Variants in NETO2 observed in about 807,000 individuals in gnomAD.
NETO2 encodes the protein neuropilin and tolloid-like protein 2.
Under a neutral mutation model 62.5 loss-of-function variants are expected in NETO2, and 28 were observed. The observed-to-expected ratio is 0.45, with a 90% CI of 0.33 to 0.61. The LOEUF is 0.61. NETO2 is among the 20% of genes least tolerant of loss of function. The pLI is 0.02. For missense variants in NETO2, 548 were observed against 643.2 expected (o/e 0.85, Z 1.60); for synonymous variants, 214 against 219.1 (o/e 0.98, Z 0.21).
At chr16:47,129,909 A>G (rs572354869) in intron 2 of NETO2, among the ~76,000 whole-genome samples, 1 of 152,366 alleles carries the variant, frequency 6.6e-6, no homozygotes, top group South Asian at 2.1e-4. Flanking sequence ...AACAACTGGC[A>G]GTACCAGGAA....
chr16:47,109,768 C>A (rs1430757272), intron 6 of NETO2, 57 bp from the exon 7 acceptor site: 3 of 1,279,544 alleles, frequency 2.3e-6, no homozygotes, highest in Non-Finnish European at 2.2e-6. Context: ...TTGAATTTTT[C>A]TATTTCTATT....
In NETO2 at chr16:47,128,405, C is replaced by A. The variant is rs1448606176; in HGVS notation, c.401G>T (p.Gly134Val). 1 of 1,614,076 alleles carries A rather than the reference C, an allele frequency of 6.2e-7. No homozygotes were observed. The highest frequency in any genetic ancestry group is 8.5e-7 in the Non-Finnish European group (1 of 1,179,994). The change falls in exon 4 of 9, where the codon GGG (glycine) becomes GTG (valine). Residue 134 changes from glycine to valine, a missense_variant. Gly to Val is a moderately radical substitution (Grantham distance 109, BLOSUM62 -3). Transcript: ENST00000562435. ...VKSPPLIRST[G>V]RFMWIKFSSD... ...ACTAAACTTAATCCACATGAATCTC[C>A]CTGTTGATCTAATTAATGGAGGGCT... is the stretch of plus-strand genomic sequence containing the variant.
At chr16:47,095,219 A>T (rs1336134598) in intron 7 of NETO2, among the ~76,000 whole-genome samples, 1 of 152,196 alleles carries the variant, frequency 6.6e-6, no homozygotes, top group Non-Finnish European at 1.5e-5. Context: ...ATATACACAA[A>T]AGGAAATGCG....
chr16:47,083,673 T>C lies in NETO2; in HGVS notation c.1126A>G (p.Lys376Glu). ...ILVQVKQPRKKVMACKTAFNK... is the reference protein window; with the variant it reads ...ILVQVKQPRKEVMACKTAFNK... ...AAAGCGGTTTTGCAAGCCATGACCT[T>C]TTTTCGAGGCTGTTTCACTTGTACT... Residue 376 changes from lysine to glutamate, a missense_variant, in exon 9 of 9, where the codon AAG becomes GAG. Lys to Glu is a moderately conservative substitution (Grantham distance 56). Transcript: ENST00000562435. The C allele has an allele frequency of 6.2e-7, 1 of 1,614,170 alleles. No homozygotes were observed. The highest frequency in any genetic ancestry group is 2.2e-5 in the East Asian group (1 of 44,884).
chr16:47,108,060 G>A (rs1350733129), intron 7 of NETO2, among the ~76,000 whole-genome samples: 1 of 152,094 alleles, frequency 6.6e-6, no homozygotes, highest in African/African-American at 2.4e-5. Flanking sequence ...ACAGGCATGA[G>A]CCACGATGCC....
intron 1 of NETO2, among the ~76,000 whole-genome samples, chr16:47,141,806 C>CT: frequency 6.6e-6 from 1 of 152,344 alleles, no homozygotes; most frequent in Middle Eastern, 3.4e-3. Context: ...GCTCTGCCAT[C>CT]ACCAGAATCC....
intron 8 of NETO2, among the ~76,000 whole-genome samples, chr16:47,085,641 C>A (rs1963171037): frequency 6.6e-6 from 1 of 152,006 alleles, no homozygotes; most frequent in South Asian, 2.1e-4. Flanking sequence ...GCCTCAGCCT[C>A]CCAAAGTGCT....
intron 7 of NETO2, among the ~76,000 whole-genome samples, chr16:47,092,207 A>G (rs1236997529): frequency 6.6e-6 from 1 of 152,020 alleles, no homozygotes; most frequent in African/African-American, 2.4e-5. Context: ...CATGGAAAGG[A>G]CGCGATATGT....
chr16:47,109,565 T>G lies in NETO2; in HGVS notation c.801A>C (p.Thr267=). 2 of 1,614,140 alleles carry G rather than the reference T, an allele frequency of 1.2e-6. No individual in the cohort carries two copies. The highest frequency in any genetic ancestry group is 1.1e-5 in the South Asian group (1 of 91,082). The change falls in exon 7 of 9, where the codon ACA becomes ACC. Residue 267 remains threonine (T), a synonymous_variant. Coordinates refer to ENST00000562435, the MANE Select transcript of NETO2 (RefSeq NM_018092.5). ...STVANDVMLK[T]GIGVIRMWAD... ...CCCACATTCGAATCACTCCAATTCCTGTTTTAAGCATTACATCATTGGCCA... is the reference window on the plus strand; with the variant it reads ...CCCACATTCGAATCACTCCAATTCCGGTTTTAAGCATTACATCATTGGCCA...
intron 1 of NETO2, among the ~76,000 whole-genome samples, chr16:47,143,205 G>C (rs1233229206): frequency 2.0e-5 from 3 of 152,086 alleles, no homozygotes; most frequent in African/African-American, 4.8e-5. Context: ...AGCGGCCTCC[G>C]CTCCACGACA....
At chr16:47,108,046 G>A (rs1034609975) in intron 7 of NETO2, among the ~76,000 whole-genome samples, 1 of 152,022 alleles carries the variant, frequency 6.6e-6, no homozygotes, top group Non-Finnish European at 1.5e-5. Flanking sequence ...AAAGTGCTGG[G>A]ATTACAGGCA....
chr16:47,095,873 C>A (rs1015145180), intron 7 of NETO2, among the ~76,000 whole-genome samples: 15 of 152,136 alleles, frequency 9.9e-5, no homozygotes, highest in African/African-American at 3.6e-4. Flanking sequence ...CTCAATTACA[C>A]ATCAGACAGT....
chr16:47,101,830 T>C (rs1174604911), intron 7 of NETO2, among the ~76,000 whole-genome samples: 2 of 152,256 alleles, frequency 1.3e-5, no homozygotes, highest in African/African-American at 2.4e-5. Context: ...ATAGGAAGAA[T>C]CAATATCGTG....
At chr16:47,124,567 C>T (rs1443768174) in intron 4 of NETO2, among the ~76,000 whole-genome samples, 1 of 152,092 alleles carries the variant, frequency 6.6e-6, no homozygotes, top group Non-Finnish European at 1.5e-5. Flanking sequence ...TATGCATTGC[C>T]TATTTATTTT....
intron 8 of NETO2, among the ~76,000 whole-genome samples, chr16:47,085,604 G>T (rs1444512279): frequency 6.6e-6 from 1 of 151,342 alleles, no homozygotes; most frequent in Non-Finnish European, 1.5e-5. Context: ...GGTTGGTCTT[G>T]AACTCCTGAC....
chr16:47,127,752 A>G (rs1291859933), intron 4 of NETO2, among the ~76,000 whole-genome samples: 1 of 152,250 alleles, frequency 6.6e-6, no homozygotes, highest in Non-Finnish European at 1.5e-5. Context: ...CAGCATCAAT[A>G]AACTAACACA....
intron 7 of NETO2, among the ~76,000 whole-genome samples, chr16:47,086,692 G>T (rs1048913295): frequency 6.6e-6 from 1 of 152,132 alleles, no homozygotes; most frequent in Non-Finnish European, 1.5e-5. Context: ...CTGAGGGTGA[G>T]AATGTAAGAT....
rs147126537 is a variant in NETO2 at position 47,083,398 on chromosome 16, T to C, written c.1401A>G (p.Gln467=). 1.5e-5 allele frequency: 25 copies of C among 1,614,066 alleles called. No homozygotes were observed. The African/African-American group carries it at 2.8e-4, about 18-fold the overall frequency. Reference sequence around the variant, plus strand: ...TATTAAATGTTTTCATTGGCTGTGGTTGTGCAAAGTCATTTCGGAAAGGAA... The same window carrying C: ...TATTAAATGTTTTCATTGGCTGTGGCTGTGCAAAGTCATTTCGGAAAGGAA... ...MELPFRNDFA[Q]PQPMKTFNST... Residue 467 remains glutamine (Q), a synonymous_variant, in exon 9 of 9, where the codon CAA becomes CAG. Transcript: ENST00000562435.
In NETO2 at chr16:47,081,132, T is replaced by C. The variant is rs1963053587; in HGVS notation, c.*2089A>G. ...ACTATAGTTTAGCATACTGTATTATTTGCTATTATAATCTAAAGATTAAAT... is the reference window on the plus strand; with the variant it reads ...ACTATAGTTTAGCATACTGTATTATCTGCTATTATAATCTAAAGATTAAAT... On this transcript the variant is annotated 3_prime_UTR_variant, in exon 9 of 9. Coordinates refer to ENST00000562435, the MANE Select transcript of NETO2 (RefSeq NM_018092.5). 1 of 152,214 alleles carries C rather than the reference T, an allele frequency of 6.6e-6. No individual in the cohort carries two copies. The highest frequency in any genetic ancestry group is 1.5e-5 in the Non-Finnish European group (1 of 68,010). 9.4% of individuals were successfully genotyped at this position (152,214 alleles called of 1,614,324 possible). A position where few individuals can be genotyped will look rare whatever the true frequency, so the allele number is the denominator to read the frequency against.
Sources: gnomAD v4.1 joint callset for allele counts (sites outside exome capture counted in the v4.1 genomes callset) on GRCh38, gnomAD v4.1.1 for gene constraint, MANE v1.5 for transcripts, NCBI Gene and HGNC (gene_info 2026-07-23, HGNC 2026-07-21) for gene names.